KDM7A: variants seen among roughly 807,000 people sequenced by gnomAD.
The protein encoded by KDM7A is lysine-specific demethylase 7A.
KDM7A carries 28 observed loss-of-function variants against 114.8 expected under a neutral mutation model. The ratio of observed to expected loss-of-function variants is 0.24; its 90% CI spans 0.18 to 0.33. The LOEUF is 0.33. Ranked by LOEUF, KDM7A falls within the 10% of genes least tolerant of loss-of-function variation. The probability of loss-of-function intolerance (pLI) is 1.00; values close to 1 mark genes in which losing one functional copy is unlikely to be tolerated. For missense variants in KDM7A, 942 were observed against 1,142.5 expected (o/e 0.82, Z 2.53); for synonymous variants, 423 against 397.8 (o/e 1.06, Z -0.75).
chr7:140,139,835 T>G (rs747384516), intron 1 of KDM7A, among the ~76,000 whole-genome samples: 1 of 152,178 alleles, frequency 6.6e-6, no homozygotes, highest in African/African-American at 2.4e-5. Context: ...AGAAAAGGCA[T>G]AGCCCATTTT....
chr7:140,100,687 TAC>T (rs1491357436), intron 12 of KDM7A, among the ~76,000 whole-genome samples: 5,926 of 40,366 alleles, frequency 0.15, 331 homozygotes, highest in East Asian at 0.31. Flanking sequence ...TATACATATA[TAC>T]ATATATATAT....
chr7:140,165,550 ATTC>A (rs1794564567), intron 1 of KDM7A, among the ~76,000 whole-genome samples: 1 of 152,182 alleles, frequency 6.6e-6, no homozygotes, highest in East Asian at 1.9e-4. Flanking sequence ...GAAACAGACA[ATTC>A]TTAAGTTTTA....
rs903701934 is a variant in KDM7A, at chr7:140,085,165, A to G, written c.*5929T>C. 1 of 152,130 alleles carries G rather than the reference A, an allele frequency of 6.6e-6. No homozygotes were observed. The highest frequency in any genetic ancestry group is 2.4e-5 in the African/African-American group (1 of 41,320). 9.4% of individuals were successfully genotyped at this position (152,130 alleles called of 1,614,324 possible). A position where few individuals can be genotyped will look rare whatever the true frequency, so the allele number is the denominator to read the frequency against. On this transcript the variant is annotated 3_prime_UTR_variant, in exon 20 of 20. Transcript: ENST00000397560. ...GGGCTTCCGGACTGAAAGGACACAC[A>G]TGTCACACACATTGACTGCCTATAC...
In KDM7A at chr7:140,176,843, G is replaced by T; in HGVS notation, c.95C>A (p.Pro32His). 1 of 1,328,606 alleles carries T rather than the reference G, an allele frequency of 7.5e-7. No homozygotes were observed. Among genetic ancestry groups the T allele is most frequent in the Non-Finnish European group, 9.8e-7 (1 of 1,020,122 alleles). The allele number at this position is 1,328,606 out of a possible 1,614,324, so 82.3% of individuals were successfully genotyped here. A position where few individuals can be genotyped will look rare whatever the true frequency, so the allele number is the denominator to read the frequency against. The change falls in exon 1 of 20, where the codon CCT becomes CAT. Residue 32 changes from proline (P) to histidine (H), a missense_variant. This residue lies in a region of KDM7A where 112 missense variants were observed against 96.2 expected (regional missense o/e 1.16). Transcript: ENST00000397560. This position sits in a 1 kb window ranked among gnomAD's most constrained non-coding sequence, Gnocchi z 4.4. ...SVAAPGRASA[P>H]PPPPPVYCVC... ...ACAGTACACGGGCGGGGGCGGCGGA[G>T]GCGCCGAGGCCCGGCCGGGAGCCGC...
rs1182597554 is a variant in KDM7A at position 140,129,627 on chromosome 7, T to C, written c.425A>G (p.His142Arg). The C allele has an allele frequency of 1.2e-6, 2 of 1,609,350 alleles. No individual in the cohort carries two copies. The highest frequency in any genetic ancestry group is 1.1e-5 in the South Asian group (1 of 90,940). ...PSADEIIIKM[H>R]GSQLTQRYLE... ...ATATCTTTGTGTCAGCTGGCTGCCA[T>C]GCATCTTTATAATTATTTCATCGGC... Residue 142 changes from histidine (H) to arginine (R), a missense_variant, in exon 4 of 20, where the codon CAT (histidine) becomes CGT (arginine). Around this residue, in one of 4 missense-constraint regions of KDM7A, gnomAD observed 318 missense variants for 453.1 expected, o/e 0.70. Coordinates refer to ENST00000397560, the MANE Select transcript of KDM7A (RefSeq NM_030647.2).
intron 1 of KDM7A, among the ~76,000 whole-genome samples, chr7:140,163,788 T>C (rs1031824012): frequency 6.6e-6 from 1 of 152,106 alleles, no homozygotes; most frequent in African/African-American, 2.4e-5. Context: ...ACTGAAAAAA[T>C]CAGTGATAAT....
chr7:140,130,768 C>T (rs537006083), intron 3 of KDM7A, among the ~76,000 whole-genome samples: 7 of 152,018 alleles, frequency 4.6e-5, no homozygotes, highest in Admixed American at 1.3e-4. Context: ...TCCCTGGTCC[C>T]CACCCACTGA....
intron 1 of KDM7A, among the ~76,000 whole-genome samples, chr7:140,159,582 C>G (rs569135030): frequency 6.6e-6 from 1 of 152,292 alleles, no homozygotes; most frequent in South Asian, 2.1e-4. Flanking sequence ...AGACTTCAAG[C>G]AGGCTTGAGG....
rs747721288 is a variant in KDM7A, at chr7:140,124,662, T to C, written c.1010A>G (p.Lys337Arg). The change falls in exon 7 of 20, where the codon AAA (lysine) becomes AGA (arginine). Residue 337 changes from lysine to arginine, a missense_variant. Transcript: ENST00000397560. The part of the protein sequence containing the change: ...FFGDKVDKCY[K>R]CVVKQGHTLF... ...GGTATGTCCCTGCTTTACCACACAT[T>C]TGTAGCATTTATCCACCTTATCTCC... 3 of 1,613,766 alleles carry C rather than the reference T, an allele frequency of 1.9e-6. No individual in the cohort carries two copies. The highest frequency in any genetic ancestry group is 1.1e-5 in the South Asian group (1 of 91,020).
chr7:140,149,310 T>C (rs1794374037), intron 1 of KDM7A, among the ~76,000 whole-genome samples: 2 of 152,242 alleles, frequency 1.3e-5, no homozygotes, highest in Admixed American at 1.3e-4. Context: ...TGGTGATACA[T>C]TATTTGCTTC....
intron 17 of KDM7A, chr7:140,094,667 T>A (rs1818075493): frequency 6.5e-6 from 1 of 153,348 alleles, no homozygotes; most frequent in South Asian, 2.0e-4. Context: ...CTTTTGATTC[T>A]CTCAAAGACT....
chr7:140,112,111 C>T lies in KDM7A; in HGVS notation c.1339-927G>A, dbSNP rs560748762. Among the ~76,000 whole-genome samples, 196 of 152,258 alleles carry T rather than the reference C, an allele frequency of 1.3e-3. 1 individual carries two copies. The highest frequency in any genetic ancestry group is 4.5e-3 in the African/African-American group (188 of 41,536). On this transcript the variant is annotated intron_variant, in intron 10 of 19. Transcript: ENST00000397560. ...TAAATTTGCTTATGGCTTTCCTTGTCACCTAGACAATAAGGTCTTTCACAG... is the reference window on the plus strand; with the variant it reads ...TAAATTTGCTTATGGCTTTCCTTGTTACCTAGACAATAAGGTCTTTCACAG...
chr7:140,130,074 G>A (rs1200358453), intron 3 of KDM7A, among the ~76,000 whole-genome samples: 1 of 151,838 alleles, frequency 6.6e-6, no homozygotes, highest in Non-Finnish European at 1.5e-5. Context: ...TAAGTATAAT[G>A]CAAATATTCC....
chr7:140,097,567 G>C lies in KDM7A; in HGVS notation c.1994C>G (p.Ser665Cys), dbSNP rs748134387. Residue 665 changes from serine to cysteine, a missense_variant, in exon 15 of 20, where the codon TCC becomes TGC. By Grantham distance (112) the Ser-to-Cys change is moderately radical. Coordinates refer to ENST00000397560, the MANE Select transcript of KDM7A (RefSeq NM_030647.2). ...GYSDISESEDSGPECTALKSI... is the reference protein window; with the variant it reads ...GYSDISESEDCGPECTALKSI... ...TACCAGTGCAGTGCACTCGGGTCCG[G>C]AGTCTTCTGACTCAGAAATATCAGA... The C allele has an allele frequency of 2.5e-6, 4 of 1,601,680 alleles. No homozygotes were observed. In the Admixed American group the frequency reaches 6.7e-5, roughly 27 times the overall value.
chr7:140,165,442 A>T (rs1048388102), intron 1 of KDM7A, among the ~76,000 whole-genome samples: 2 of 152,228 alleles, frequency 1.3e-5, no homozygotes, highest in African/African-American at 4.8e-5. Flanking sequence ...ACTTAAAAGT[A>T]TGTTACAGTA....
chr7:140,175,386 G>A (rs903637240), intron 1 of KDM7A, among the ~76,000 whole-genome samples: 2 of 152,148 alleles, frequency 1.3e-5, no homozygotes, highest in Non-Finnish European at 2.9e-5. Context: ...AGCGGAGGCT[G>A]TATTTAAATG....
intron 11 of KDM7A, among the ~76,000 whole-genome samples, chr7:140,103,333 C>CT (rs1191299103): frequency 5.3e-5 from 8 of 151,228 alleles, no homozygotes; most frequent in East Asian, 3.9e-4. Flanking sequence ...AATTATTATA[C>CT]TTTAAGTTCT....
chr7:140,135,874 C>T (rs1818862196), intron 2 of KDM7A, among the ~76,000 whole-genome samples: 1 of 150,968 alleles, frequency 6.6e-6, no homozygotes, highest in African/African-American at 2.4e-5. Flanking sequence ...TTTCATACCC[C>T]TGGGTTAACA....
In KDM7A at chr7:140,102,043, C is replaced by T. The variant is rs1205192627; in HGVS notation, c.1546G>A (p.Asp516Asn). 6.2e-7 allele frequency: 1 copy of T among 1,614,004 alleles called. No individual in the cohort carries two copies. Among genetic ancestry groups the T allele is most frequent in the Admixed American group, 1.7e-5 (1 of 60,022 alleles). The change falls in exon 12 of 20, where the codon GAT becomes AAT. Residue 516 changes from aspartate (D) to asparagine (N), a missense_variant. This residue lies in a region of KDM7A where 512 missense variants were observed against 576.6 expected (regional missense o/e 0.89). Coordinates refer to ENST00000397560, the MANE Select transcript of KDM7A (RefSeq NM_030647.2). ...TTAGAAGGAGTTCGGACATTATGAT[C>T]TCGAAGTTTCCTCATCTTTCTTCGG... ...HSRRKMRKLR[D>N]HNVRTPSNLD...
Sources: allele counts gnomAD v4.1 joint callset (sites outside exome capture counted in the v4.1 genomes callset), GRCh38; gene constraint gnomAD v4.1.1; regional missense constraint gnomAD v4.1.1; non-coding constraint Gnocchi (gnomAD v3.1); transcripts MANE v1.5; gene names NCBI Gene and HGNC (gene_info 2026-07-23, HGNC 2026-07-21).